Variants in SLC39A8 observed in about 807,000 individuals in gnomAD.
SLC39A8 encodes solute carrier family 39 member 8, also known as metal cation symporter ZIP8.
In SLC39A8, 15 loss-of-function variants were observed where a neutral mutation model predicts 40.4. That is an observed-to-expected ratio of 0.37 (90% CI 0.25 to 0.57). The LOEUF (loss-of-function observed/expected upper bound fraction) is 0.57. Among genes scored for constraint, SLC39A8 ranks in the 20% least tolerant of loss-of-function variants. The pLI, the probability that SLC39A8 is intolerant of heterozygous loss-of-function variation, is 0.75. For missense variants in SLC39A8, 472 were observed against 558.8 expected (o/e 0.84, Z 1.57); for synonymous variants, 223 against 221.6 (o/e 1.01, Z -0.06).
At chr4:102,315,636 C>A in intron 3 of SLC39A8, 32 bp downstream of exon 3, 1 of 1,564,486 alleles carries the variant, frequency 6.4e-7, no homozygotes, top group Non-Finnish European at 8.6e-7. Context: ...ATAGACTTTT[C>A]AAATAAAAGA....
chr4:102,344,155 A>G (rs888114732), intron 2 of SLC39A8, among the ~76,000 whole-genome samples: 1 of 152,110 alleles, frequency 6.6e-6, no homozygotes, highest in Non-Finnish European at 1.5e-5. Flanking sequence ...CACACCCTCA[A>G]CTACTTCATA....
chr4:102,307,486 G>A lies in SLC39A8; in HGVS notation c.502C>T (p.Leu168=). 3 of 1,613,418 alleles carry A rather than the reference G, an allele frequency of 1.9e-6. No individual in the cohort carries two copies. Among genetic ancestry groups the A allele is most frequent in the Middle Eastern group, 1.7e-4 (1 of 6,052 alleles). ...TTTGAAAAAAGAGTCCCAATAGCCA[G>A]CCCCACAAAAAAGGTCAAAATCTTT... ...FPKILTFFVG[L]AIGTLFSNAI... Residue 168 remains leucine, a synonymous_variant, in exon 4 of 9, where the codon CTG becomes TTG. Transcript: ENST00000356736.
rs187551061 is a variant in SLC39A8, at chr4:102,324,435, A to G, written c.220-8605T>C. On this transcript the variant is annotated intron_variant, in intron 2 of 8. Transcript: ENST00000356736. ...AATCCTACAGTTCAAACATCAGCCA[A>G]CTTTTCTCACCAGAGTGAGAATTTT... Among the ~76,000 whole-genome samples the G allele has an allele frequency of 6.9e-4, 104 of 151,800 alleles. 1 individual carries two copies. The highest frequency in any genetic ancestry group is 2.5e-3 in the African/African-American group (102 of 41,498).
At chr4:102,301,430 C>T (rs927247139) in intron 6 of SLC39A8, among the ~76,000 whole-genome samples, 4 of 152,086 alleles carry the variant, frequency 2.6e-5, no homozygotes, top group Non-Finnish European at 4.4e-5. Flanking sequence ...GAAGCTCCCA[C>T]ACATCACTCT....
chr4:102,274,890 A>G (rs1732546031), intron 6 of SLC39A8, among the ~76,000 whole-genome samples: 1 of 152,208 alleles, frequency 6.6e-6, no homozygotes, highest in Non-Finnish European at 1.5e-5. Flanking sequence ...TCCTTTACAG[A>G]CAATCAAATG....
At position 102,274,180 on chromosome 4, in the gene SLC39A8, T is replaced by C. The variant is rs188717712; in HGVS notation, c.841-6101A>G. On this transcript the variant is annotated intron_variant, in intron 6 of 8. Transcript: ENST00000356736. ...GCTAAAAGAGCATGTTCTAACTCAA[T>C]GTAAGGAACCTAAGAACCTTGAAAA... Among the ~76,000 whole-genome samples the C allele has an allele frequency of 4.6e-3, 705 of 152,126 alleles. 4 individuals carry two copies. The highest frequency in any genetic ancestry group is 7.5e-3 in the Non-Finnish European group (507 of 67,982).
At chr4:102,318,063 G>A (rs1734741739) in intron 2 of SLC39A8, among the ~76,000 whole-genome samples, 1 of 152,118 alleles carries the variant, frequency 6.6e-6, no homozygotes, top group South Asian at 2.1e-4. Flanking sequence ...GATGTAAAAT[G>A]TATTTCTTGC....
intron 8 of SLC39A8, among the ~76,000 whole-genome samples, chr4:102,264,060 T>C (rs148232437): frequency 2.3e-4 from 35 of 152,356 alleles, no homozygotes; most frequent in Admixed American, 1.3e-4. Flanking sequence ...ATATTTTGAC[T>C]CCTTCCATAA....
At chr4:102,307,627 G>C in intron 3 of SLC39A8, 22 bp from the exon 4 acceptor site, 1 of 1,604,370 alleles carries the variant, frequency 6.2e-7, no homozygotes, top group Non-Finnish European at 8.5e-7. Flanking sequence ...AGGGAAAAGA[G>C]AGTAGAAATT....
chr4:102,344,303 G>T, intron 2 of SLC39A8, 141 bp downstream of exon 2: 1 of 593,536 alleles, frequency 1.7e-6, no homozygotes. Context: ...AAAAGCAAGT[G>T]TCACCAGATA....
intron 6 of SLC39A8, among the ~76,000 whole-genome samples, chr4:102,298,971 T>C (rs886187655): frequency 6.6e-6 from 1 of 151,952 alleles, no homozygotes; most frequent in African/African-American, 2.4e-5. Flanking sequence ...CCCAAGCCAA[T>C]GTGGCAAGGC....
At chr4:102,258,861 C>A (rs1731773562), downstream of SLC39A8, among the ~76,000 whole-genome samples, 1 of 152,076 alleles carries the variant, frequency 6.6e-6, no homozygotes. Context: ...TCAGTACTGA[C>A]CTTCTTCTAT....
At position 102,274,514 on chromosome 4, in the gene SLC39A8, T is replaced by C. The variant is rs1732524893; in HGVS notation, c.841-6435A>G. Among the ~76,000 whole-genome samples the C allele has an allele frequency of 2.0e-5, 3 of 152,198 alleles. No individual in the cohort carries two copies. In the South Asian group the frequency reaches 6.2e-4, roughly 32 times the overall value. Reference sequence around the variant, plus strand: ...AAGTGATGGGGAGAATGGAACCAAGTTGGAAAACACACTTCAGGATATTAT... The same window carrying C: ...AAGTGATGGGGAGAATGGAACCAAGCTGGAAAACACACTTCAGGATATTAT... On this transcript the variant is annotated intron_variant, in intron 6 of 8. Transcript: ENST00000356736.
chr4:102,284,793 A>C, intron 6 of SLC39A8, among the ~76,000 whole-genome samples: 1 of 151,916 alleles, frequency 6.6e-6, no homozygotes, highest in South Asian at 2.1e-4. Flanking sequence ...CTACTTTCTA[A>C]ATGGAAATAA....
At chr4:102,261,636 C>T (rs961569806), downstream of SLC39A8, 19 of 912,402 alleles carry the variant, frequency 2.1e-5, no homozygotes, top group Non-Finnish European at 2.5e-5. Flanking sequence ...CTCAACAGGA[C>T]AAATATTAAA....
intron 6 of SLC39A8, among the ~76,000 whole-genome samples, chr4:102,285,440 C>T (rs77838078): frequency 0.078 from 11,848 of 152,094 alleles, 639 homozygotes; most frequent in South Asian, 0.14. Context: ...CTAACTCTAA[C>T]CCTTAATACT....
chr4:102,253,911 T>C (rs1290476452), intron 11 of SLC39A8, among the ~76,000 whole-genome samples: 1 of 152,138 alleles, frequency 6.6e-6, no homozygotes, highest in African/African-American at 2.4e-5. Flanking sequence ...TTTCTGCTTG[T>C]GGTAATGTTA....
chr4:102,318,476 A>G (rs1734757796), intron 2 of SLC39A8, among the ~76,000 whole-genome samples: 2 of 152,216 alleles, frequency 1.3e-5, no homozygotes, highest in Admixed American at 1.3e-4. Context: ...AATTTTGGAC[A>G]GTGGCCTATT....
At chr4:102,255,994 A>AT (rs1231294126) in intron 11 of SLC39A8, among the ~76,000 whole-genome samples, 1 of 152,142 alleles carries the variant, frequency 6.6e-6, no homozygotes, top group African/African-American at 2.4e-5. Flanking sequence ...AAATTAAAAG[A>AT]TTTTTTCATG....
Sources: allele counts gnomAD v4.1 joint callset (sites outside exome capture counted in the v4.1 genomes callset), GRCh38; gene constraint gnomAD v4.1.1; transcripts MANE v1.5; gene names NCBI Gene and HGNC (gene_info 2026-07-23, HGNC 2026-07-21).